PCDHA3: variants seen among roughly 807,000 people sequenced by gnomAD.
PCDHA3 encodes protocadherin alpha-3.
A neutral mutation model predicts 62.2 loss-of-function variants in PCDHA3; 41 were observed. The ratio of observed to expected loss-of-function variants is 0.66; its 90% CI spans 0.51 to 0.86. The LOEUF (loss-of-function observed/expected upper bound fraction) is 0.86. PCDHA3 is among the 40% of genes least tolerant of loss of function. The pLI is 0.00. For synonymous variants in PCDHA3, 640 were observed against 555.4 expected (o/e 1.15, Z -2.14); for missense variants, 1,304 against 1,241.2 (o/e 1.05, Z -0.76).
chr5:140,892,424 C>T (rs1288815822), intron 1 of PCDHA3, among the ~76,000 whole-genome samples: 1 of 152,040 alleles, frequency 6.6e-6, no homozygotes, highest in Non-Finnish European at 1.5e-5. Context: ...CTAGATAAAA[C>T]CTCATTATCT....
At chr5:140,823,407 G>A (rs1554129331) in intron 1 of PCDHA3, 18 of 1,613,060 alleles carry the variant, frequency 1.1e-5, no homozygotes, top group Non-Finnish European at 1.4e-5. Flanking sequence ...TGCCGCCTCT[G>A]GGCAGCAACG....
Position 140,828,776 on chromosome 5 carries a change from C to T in PCDHA3, c.2394+25185C>T, listed in dbSNP as rs200187130. ...TGAGCTCACAGGCACTGTTCAGCTG[C>T]TGGTCACAGTGCTGGATGTGAATGA... On this transcript the variant is annotated intron_variant, in intron 1 of 3. Transcript: ENST00000522353. 318 of 1,614,178 alleles carry T rather than the reference C, an allele frequency of 2.0e-4. No homozygotes were observed. The East Asian group carries it at 7.0e-3, about 35-fold the overall frequency.
chr5:141,001,401 G>A (rs190876782), intron 3 of PCDHA3, among the ~76,000 whole-genome samples: 12 of 152,314 alleles, frequency 7.9e-5, no homozygotes, highest in African/African-American at 2.4e-4. Context: ...AGAGAACAGG[G>A]AGTATATTTT....
At chr5:140,804,577 A>G (rs1053673619) in intron 1 of PCDHA3, 1 of 152,308 alleles carries the variant, frequency 6.6e-6, no homozygotes, top group Non-Finnish European at 1.5e-5. Context: ...TGCTAATATG[A>G]AATAAGTTTG....
chr5:140,906,893 GT>G (rs1191460812), intron 1 of PCDHA3, among the ~76,000 whole-genome samples: 7 of 152,170 alleles, frequency 4.6e-5, no homozygotes, highest in Admixed American at 6.5e-5. Context: ...TTCTTAGATT[GT>G]TGGTTTAAAG....
At chr5:140,968,877 T>A in intron 1 of PCDHA3, 1 of 1,614,226 alleles carries the variant, frequency 6.2e-7, no homozygotes, top group South Asian at 1.1e-5. Flanking sequence ...TACTCTGAAA[T>A]TACCCTTTAT....
At chr5:140,930,712 A>T (rs1584689351) in intron 1 of PCDHA3, among the ~76,000 whole-genome samples, 1 of 152,234 alleles carries the variant, frequency 6.6e-6, no homozygotes, top group Non-Finnish European at 1.5e-5. Flanking sequence ...ATTCTTCCTC[A>T]AGTAATGATG....
chr5:140,884,247 CG>C (rs1220799816), intron 1 of PCDHA3: 1 of 1,613,280 alleles, frequency 6.2e-7, no homozygotes, highest in Non-Finnish European at 8.5e-7. Flanking sequence ...CCCGCGCTGA[CG>C]GCCACGGCAA....
intron 1 of PCDHA3, chr5:140,928,484 G>A (rs1371678688): frequency 1.5e-5 from 25 of 1,614,026 alleles, no homozygotes; most frequent in African/African-American, 4.0e-5. Context: ...CGGGATGGTG[G>A]CATTCCTCCC....
chr5:140,821,753 C>T lies in PCDHA3; in HGVS notation c.2394+18162C>T, dbSNP rs2150110415. On this transcript the variant is annotated intron_variant, in intron 1 of 3. Transcript: ENST00000522353. The stretch of plus-strand genomic sequence containing the variant: ...CATTGTGTGGTGATGCAATAGAAAG[C>T]TCATAATTGGAACGAGATTGAGATG... The T allele has an allele frequency of 2.2e-3, 3,464 of 1,581,302 alleles. 58 individuals are homozygous for T. The African/African-American group carries it at 0.039, about 18-fold the overall frequency.
intron 1 of PCDHA3, among the ~76,000 whole-genome samples, chr5:140,889,560 T>C (rs2062271183): frequency 6.6e-6 from 1 of 152,204 alleles, no homozygotes. Context: ...TCTTCAGAAT[T>C]CTGCTTTCTG....
At chr5:140,903,916 T>C (rs1192195691) in intron 1 of PCDHA3, among the ~76,000 whole-genome samples, 1 of 152,260 alleles carries the variant, frequency 6.6e-6, no homozygotes, top group African/African-American at 2.4e-5. Flanking sequence ...TGTGACTTCC[T>C]TGCTGCATTG....
chr5:140,997,984 A>G (rs1004761154), intron 3 of PCDHA3, among the ~76,000 whole-genome samples: 4 of 152,188 alleles, frequency 2.6e-5, no homozygotes, highest in Admixed American at 2.6e-4. Context: ...TGCACTTGTT[A>G]CATACTTCCC....
At chr5:140,839,581 G>GTAA (rs1206355864) in intron 1 of PCDHA3, among the ~76,000 whole-genome samples, 1 of 151,754 alleles carries the variant, frequency 6.6e-6, no homozygotes, top group Non-Finnish European at 1.5e-5. Flanking sequence ...GTAGAGATGG[G>GTAA]GTCTTACCAT....
At chr5:140,991,022 C>T (rs1324609159) in intron 3 of PCDHA3, among the ~76,000 whole-genome samples, 1 of 152,164 alleles carries the variant, frequency 6.6e-6, no homozygotes, top group Non-Finnish European at 1.5e-5. Flanking sequence ...AAGCACTTTA[C>T]ATATGTTGCA....
intron 1 of PCDHA3, chr5:140,929,631 A>G (rs1584645197): frequency 2.6e-6 from 1 of 386,808 alleles, no homozygotes; most frequent in Non-Finnish European, 4.7e-6. Flanking sequence ...TTTATAAGCA[A>G]CAGATGTGTA....
intron 1 of PCDHA3, among the ~76,000 whole-genome samples, chr5:140,878,435 A>G (rs1582436641): frequency 6.6e-6 from 1 of 152,242 alleles, no homozygotes; most frequent in African/African-American, 2.4e-5. Context: ...TAGATACTGT[A>G]CTATTCTTAT....
At chr5:140,965,254 T>C (rs2153743153) in intron 1 of PCDHA3, among the ~76,000 whole-genome samples, 1 of 152,302 alleles carries the variant, frequency 6.6e-6, no homozygotes, top group African/African-American at 2.4e-5. Context: ...TATTCAGAAC[T>C]GAGCAGCAGA....
chr5:140,883,861 G>A (rs1554180326), intron 1 of PCDHA3: 2 of 1,613,126 alleles, frequency 1.2e-6, no homozygotes, highest in South Asian at 1.1e-5. Flanking sequence ...TGGAGCTGTT[G>A]CAGTTCCAGG....
Sources: gnomAD v4.1 joint callset for allele counts (sites outside exome capture counted in the v4.1 genomes callset) on GRCh38, gnomAD v4.1.1 for gene constraint, MANE v1.5 for transcripts, NCBI Gene and HGNC (gene_info 2026-07-23, HGNC 2026-07-21) for gene names.